The following CCSER1 variants were observed in gnomAD, a reference collection of about 807,000 sequenced individuals.
The protein encoded by CCSER1 is serine-rich coiled-coil domain-containing protein 1.
CCSER1 carries 41 observed loss-of-function variants against 82.0 expected under a neutral mutation model. The ratio of observed to expected loss-of-function variants is 0.50; its 90% CI spans 0.39 to 0.65. CCSER1 has a LOEUF of 0.65. Ranked by LOEUF, CCSER1 falls within the 30% of genes least tolerant of loss-of-function variation. The pLI is 0.00. For synonymous variants in CCSER1, 414 were observed against 383.9 expected (o/e 1.08, Z -0.92); for missense variants, 1,119 against 1,064.2 (o/e 1.05, Z -0.72).
chr4:90,580,057 A>G (rs899398805), intron 5 of CCSER1, among the ~76,000 whole-genome samples: 3 of 152,154 alleles, frequency 2.0e-5, no homozygotes, highest in Non-Finnish European at 2.9e-5. Flanking sequence ...TTTTTTAGCA[A>G]ATGAAATCAA....
chr4:90,499,037 A>G (rs760660797), intron 5 of CCSER1, among the ~76,000 whole-genome samples: 3 of 152,056 alleles, frequency 2.0e-5, no homozygotes, highest in Non-Finnish European at 4.4e-5. Flanking sequence ...ATTATTTGGA[A>G]ATCTTTATCA....
intron 8 of CCSER1, among the ~76,000 whole-genome samples, chr4:90,859,142 C>G (rs1764779045): frequency 6.6e-6 from 1 of 151,828 alleles, no homozygotes; most frequent in African/African-American, 2.4e-5. Context: ...AGAAACTGAT[C>G]CCATTCTAGT....
intron 10 of CCSER1, among the ~76,000 whole-genome samples, chr4:91,368,000 TAA>T (rs917156850): frequency 6.6e-6 from 1 of 152,182 alleles, no homozygotes; most frequent in African/African-American, 2.4e-5. Flanking sequence ...TGTTATTACA[TAA>T]AATATATGGG....
intron 8 of CCSER1, among the ~76,000 whole-genome samples, chr4:90,835,262 G>A (rs558761239): frequency 2.0e-5 from 3 of 152,098 alleles, no homozygotes; most frequent in African/African-American, 7.2e-5. Context: ...ACCCGGGAGG[G>A]GGAGCTTGCA....
chr4:91,572,394 G>A (rs1279288898), intron 10 of CCSER1, among the ~76,000 whole-genome samples: 1 of 152,094 alleles, frequency 6.6e-6, no homozygotes. Flanking sequence ...GCCCAGTGAG[G>A]AGGAATGGGA....
At chr4:90,833,792 G>C (rs1761438647) in intron 8 of CCSER1, among the ~76,000 whole-genome samples, 1 of 152,116 alleles carries the variant, frequency 6.6e-6, no homozygotes, top group African/African-American at 2.4e-5. Flanking sequence ...ATGCAACTTT[G>C]TTGGGAGCTG....
At chr4:90,398,129 ACATGGTT>A (rs1256258289) in intron 3 of CCSER1, among the ~76,000 whole-genome samples, 3 of 152,130 alleles carry the variant, frequency 2.0e-5, no homozygotes, top group Non-Finnish European at 4.4e-5. Flanking sequence ...CTGTGAATTC[ACATGGTT>A]CATCACATCT....
chr4:90,270,227 G>C (rs2153453310), intron 1 of CCSER1, among the ~76,000 whole-genome samples: 1 of 152,060 alleles, frequency 6.6e-6, no homozygotes, highest in South Asian at 2.1e-4. Context: ...GAAAACTACA[G>C]GTCAATATCA....
intron 4 of CCSER1, chr4:90,404,199 C>T (rs1012338639): frequency 6.6e-6 from 1 of 152,286 alleles, no homozygotes; most frequent in Non-Finnish European, 1.5e-5. Context: ...CAGCTTTCCC[C>T]AGCTTCCCTG....
intron 3 of CCSER1, among the ~76,000 whole-genome samples, chr4:90,326,325 G>T (rs191344552): frequency 0.012 from 1,862 of 152,154 alleles, 39 homozygotes; most frequent in African/African-American, 0.042. Flanking sequence ...CTCCCAGAGT[G>T]CTGGGATTAC....
chr4:90,292,027 G>C (rs770888797), intron 1 of CCSER1, among the ~76,000 whole-genome samples: 1 of 151,748 alleles, frequency 6.6e-6, no homozygotes, highest in Non-Finnish European at 1.5e-5. Context: ...TAAGAAAATA[G>C]GTATATGATT....
chr4:90,777,742 G>GT, intron 7 of CCSER1, among the ~76,000 whole-genome samples: 1 of 151,924 alleles, frequency 6.6e-6, no homozygotes, highest in East Asian at 1.9e-4. Flanking sequence ...AATTTTCAGC[G>GT]TATTGTACAT....
chr4:90,312,451 T>TA (rs1430142839), intron 2 of CCSER1, among the ~76,000 whole-genome samples: 1 of 152,174 alleles, frequency 6.6e-6, no homozygotes, highest in Non-Finnish European at 1.5e-5. Context: ...TGATTCTGGC[T>TA]ACTATGTGGA....
chr4:90,884,120 C>A (rs1188904561), intron 8 of CCSER1, among the ~76,000 whole-genome samples: 2 of 152,064 alleles, frequency 1.3e-5, no homozygotes, highest in African/African-American at 4.8e-5. Context: ...TATCCAAATG[C>A]AGATAGGCAC....
At chr4:91,148,701 T>G (rs189631428) in intron 10 of CCSER1, among the ~76,000 whole-genome samples, 1 of 152,284 alleles carries the variant, frequency 6.6e-6, no homozygotes, top group Non-Finnish European at 1.5e-5. Flanking sequence ...GTTCTCATTG[T>G]TCAAATCCCA....
At chr4:90,801,790 A>G (rs901493361) in intron 7 of CCSER1, among the ~76,000 whole-genome samples, 4 of 152,210 alleles carry the variant, frequency 2.6e-5, no homozygotes, top group African/African-American at 9.7e-5. Context: ...ATTTCATATA[A>G]ATACCAGAGA....
Position 91,599,147 on chromosome 4 carries a change from C to T in CCSER1, c.*90C>T. On this transcript the variant is annotated 3_prime_UTR_variant, in exon 11 of 11. Transcript: ENST00000509176. ...ATATTAAAATTGTCATGTACTTTTTCTTACATTTTAGTTATAAACAGAGTT... is the reference window on the plus strand; with the variant it reads ...ATATTAAAATTGTCATGTACTTTTTTTTACATTTTAGTTATAAACAGAGTT... The T allele has an allele frequency of 7.3e-7, 1 of 1,371,128 alleles. No homozygotes were observed. Among genetic ancestry groups the T allele is most frequent in the Non-Finnish European group, 9.6e-7 (1 of 1,039,266 alleles). The allele number at this position is 1,371,128 out of a possible 1,614,324, so 84.9% of individuals were successfully genotyped here. A position where few individuals can be genotyped will look rare whatever the true frequency, so the allele number is the denominator to read the frequency against.
At chr4:90,606,204 A>AGTT (rs10674087) in intron 5 of CCSER1, among the ~76,000 whole-genome samples, 67,555 of 151,616 alleles carry the variant, frequency 0.45, 17,411 homozygotes, top group African/African-American at 0.72. Flanking sequence ...GGAGAGTCCT[A>AGTT]GTTGTTATTA....
intron 3 of CCSER1, among the ~76,000 whole-genome samples, chr4:90,315,658 C>T (rs1230113477): frequency 6.6e-6 from 1 of 152,046 alleles, no homozygotes; most frequent in Non-Finnish European, 1.5e-5. Flanking sequence ...TGTGTGCCAC[C>T]ATGCCTGCCT....
Sources: gnomAD v4.1 joint callset for allele counts (sites outside exome capture counted in the v4.1 genomes callset) on GRCh38, gnomAD v4.1.1 for gene constraint, MANE v1.5 for transcripts, NCBI Gene and HGNC (gene_info 2026-07-23, HGNC 2026-07-21) for gene names.